Variants in NAALADL2 observed in about 807,000 individuals in gnomAD.
NAALADL2 encodes inactive N-acetylated-alpha-linked acidic dipeptidase-like protein 2.
In NAALADL2, 76 loss-of-function variants were observed where a neutral mutation model predicts 87.2. That is an observed-to-expected ratio of 0.87 (90% confidence interval 0.72 to 1.05). The LOEUF is 1.05. Ranked by LOEUF, NAALADL2 falls within the 50% of genes least tolerant of loss-of-function variation. The pLI is 0.00. For synonymous variants in NAALADL2, 354 were observed against 331.0 expected (o/e 1.07, Z -0.75); for missense variants, 1,089 against 945.8 (o/e 1.15, Z -1.99).
intron 2 of NAALADL2, among the ~76,000 whole-genome samples, chr3:174,623,473 A>G (rs901396984): frequency 6.6e-6 from 1 of 152,038 alleles, no homozygotes; most frequent in African/African-American, 2.4e-5. Context: ...ATAGACTAGT[A>G]TATACATGTA....
At chr3:174,925,700 C>T (rs1735918743) in intron 1 of NAALADL2, among the ~76,000 whole-genome samples, 1 of 152,142 alleles carries the variant, frequency 6.6e-6, no homozygotes, top group Non-Finnish European at 1.5e-5. Context: ...TTCTTCCTAT[C>T]CATGAACATG....
At chr3:175,219,212 C>G (rs1376012306) in intron 2 of NAALADL2, among the ~76,000 whole-genome samples, 2 of 152,000 alleles carry the variant, frequency 1.3e-5, no homozygotes, top group East Asian at 1.9e-4. Flanking sequence ...ATTTGGCCAA[C>G]AGTTGGTATT....
chr3:174,637,916 G>A (rs1722805925), intron 2 of NAALADL2, among the ~76,000 whole-genome samples: 2 of 151,966 alleles, frequency 1.3e-5, no homozygotes, highest in South Asian at 4.2e-4. Flanking sequence ...GGTGATTTAT[G>A]AGTAGGGTGT....
intron 1 of NAALADL2, among the ~76,000 whole-genome samples, chr3:174,962,045 C>T (rs1324519463): frequency 6.6e-6 from 1 of 151,952 alleles, no homozygotes; most frequent in African/African-American, 2.4e-5. Context: ...TCTACTCTCA[C>T]TCTCTACCTC....
intron 10 of NAALADL2, among the ~76,000 whole-genome samples, chr3:175,592,556 G>T (rs1370827796): frequency 1.3e-5 from 2 of 151,966 alleles, no homozygotes; most frequent in African/African-American, 4.8e-5. Flanking sequence ...ATACTATGCA[G>T]CCATAAAAAA....
chr3:174,566,490 TG>T (rs1300609903), intron 2 of NAALADL2, among the ~76,000 whole-genome samples: 1 of 151,834 alleles, frequency 6.6e-6, no homozygotes, highest in African/African-American at 2.4e-5. Context: ...TGCCTAAGCA[TG>T]TATTCTTTTA....
At chr3:175,655,697 A>AATAAT (rs1731363095) in intron 11 of NAALADL2, 1 of 76,150 alleles carries the variant, frequency 1.3e-5, no homozygotes. Context: ...TAAAAAAATA[A>AATAAT]ATAAAATAAA....
intron 3 of NAALADL2, among the ~76,000 whole-genome samples, chr3:174,769,006 G>C (rs1228228297): frequency 6.6e-6 from 1 of 151,580 alleles, no homozygotes; most frequent in African/African-American, 2.4e-5. Context: ...ATTTCAGGTT[G>C]AATGGTTAAC....
intron 13 of NAALADL2, among the ~76,000 whole-genome samples, chr3:175,771,139 C>T (rs1254743128): frequency 6.6e-6 from 1 of 151,984 alleles, no homozygotes; most frequent in Non-Finnish European, 1.5e-5. Context: ...AATGTTTGCC[C>T]TTTTATTTTA....
At chr3:174,519,315 A>G (rs1224441285) in intron 1 of NAALADL2, among the ~76,000 whole-genome samples, 1 of 148,662 alleles carries the variant, frequency 6.7e-6, no homozygotes, top group South Asian at 2.1e-4. Context: ...AAGTGAATGA[A>G]TGAAGATTTC....
chr3:175,062,103 T>A (rs1273983444), intron 1 of NAALADL2, among the ~76,000 whole-genome samples: 1 of 136,090 alleles, frequency 7.3e-6, no homozygotes, highest in East Asian at 2.0e-4. Context: ...TGGAAAGAGA[T>A]GGTGTTAACT....
chr3:175,363,328 C>G (rs553555540), intron 5 of NAALADL2, among the ~76,000 whole-genome samples: 2 of 147,020 alleles, frequency 1.4e-5, no homozygotes, highest in East Asian at 4.0e-4. Context: ...GCATTTTTTT[C>G]CATTTGTTTG....
At chr3:175,235,167 CTTA>C (rs1227148755) in intron 3 of NAALADL2, 2 of 151,434 alleles carry the variant, frequency 1.3e-5, no homozygotes, top group Non-Finnish European at 2.9e-5. Flanking sequence ...CAGAATCTAA[CTTA>C]TTATTAACTT....
chr3:175,444,223 G>A (rs576866797), intron 5 of NAALADL2, among the ~76,000 whole-genome samples: 5 of 152,110 alleles, frequency 3.3e-5, no homozygotes, highest in South Asian at 4.1e-4. Context: ...TGAAAACTTC[G>A]AAATGATAGA....
chr3:174,874,850 T>C (rs1375938934), intron 1 of NAALADL2, among the ~76,000 whole-genome samples: 2 of 151,990 alleles, frequency 1.3e-5, no homozygotes, highest in African/African-American at 2.4e-5. Flanking sequence ...TGATAGATGC[T>C]CACACCGCTA....
chr3:175,797,613 G>C (rs747666167), intron 13 of NAALADL2, among the ~76,000 whole-genome samples: 6 of 152,044 alleles, frequency 3.9e-5, no homozygotes, highest in African/African-American at 7.2e-5. Context: ...TGTGCCTTTT[G>C]ACTGGCTATT....
chr3:175,202,745 T>A (rs1022359521), intron 2 of NAALADL2, among the ~76,000 whole-genome samples: 19 of 152,040 alleles, frequency 1.2e-4, no homozygotes, highest in Admixed American at 3.9e-4. Flanking sequence ...CAGGTCGGGC[T>A]GGGCTAAGTG....
intron 2 of NAALADL2, among the ~76,000 whole-genome samples, chr3:175,180,711 A>C (rs562296217): frequency 6.6e-6 from 1 of 150,474 alleles, no homozygotes; most frequent in East Asian, 1.9e-4. Flanking sequence ...AAATATCATT[A>C]GTTATTTTAA....
intron 1 of NAALADL2, among the ~76,000 whole-genome samples, chr3:175,003,404 A>G (rs963412776): frequency 2.0e-5 from 3 of 152,214 alleles, no homozygotes; most frequent in Non-Finnish European, 2.9e-5. Flanking sequence ...TTTCTTGAGC[A>G]GCATGCTAGC....
Sources: gnomAD v4.1 joint callset for allele counts (sites outside exome capture counted in the v4.1 genomes callset) on GRCh38, gnomAD v4.1.1 for gene constraint, MANE v1.5 for transcripts, NCBI Gene and HGNC (gene_info 2026-07-23, HGNC 2026-07-21) for gene names.